The following THSD4 variants were observed in gnomAD, a reference collection of about 807,000 sequenced individuals.
THSD4 encodes thrombospondin type-1 domain-containing protein 4.
THSD4 carries 69 observed loss-of-function variants against 119.0 expected under a neutral mutation model. The observed-to-expected ratio is 0.58, with a 90% CI of 0.48 to 0.71. THSD4 has a LOEUF of 0.71. THSD4 is among the 30% of genes least tolerant of loss of function. The probability of loss-of-function intolerance (pLI) is 0.00; values close to 1 mark genes in which losing one functional copy is unlikely to be tolerated. For synonymous variants in THSD4, 524 were observed against 540.4 expected, an observed-to-expected ratio of 0.97 and a Z score of 0.42; for missense variants, 1,393 against 1,391.1, an observed-to-expected ratio of 1.00 and a Z score of -0.02.
intron 7 of THSD4, among the ~76,000 whole-genome samples, chr15:71,616,660 G>A (rs1168117354): frequency 2.6e-5 from 4 of 152,198 alleles, no homozygotes; most frequent in Non-Finnish European, 5.9e-5. Flanking sequence ...CCACTGTGAG[G>A]AAGCATTTCC....
At chr15:71,413,739 C>T (rs149828435) in intron 7 of THSD4, among the ~76,000 whole-genome samples, 4 of 152,288 alleles carry the variant, frequency 2.6e-5, no homozygotes, top group South Asian at 2.1e-4. Context: ...AATTAGGATG[C>T]GGTACAGAAG....
chr15:71,501,963 A>C (rs1412895604), intron 7 of THSD4, among the ~76,000 whole-genome samples: 1 of 152,212 alleles, frequency 6.6e-6, no homozygotes, highest in East Asian at 1.9e-4. Context: ...CTATTTAACT[A>C]TGTTTAAGAT....
At chr15:71,723,072 G>GCTT in intron 8 of THSD4, among the ~76,000 whole-genome samples, 1 of 148,688 alleles carries the variant, frequency 6.7e-6, no homozygotes, top group South Asian at 2.1e-4. Flanking sequence ...ATTTAGGCTA[G>GCTT]TTTTTTTTTT....
At position 71,751,461 on chromosome 15, in the gene THSD4, CT is replaced by C. The variant is rs547395570; in HGVS notation, c.2415+2874del. Among the ~76,000 whole-genome samples the C allele has an allele frequency of 1.1e-3, 166 of 152,092 alleles. 1 individual carries two copies. The Middle Eastern group carries it at 0.014, about 12-fold the overall frequency. The stretch of plus-strand genomic sequence containing the variant: ...TCTCATACATACTTTACCTACATAG[CT>C]TTTTTTCCTCATACGTATTTTAAAG... On this transcript the variant is annotated intron_variant, in intron 14 of 17. Transcript: ENST00000261862.
intron 1 of THSD4, among the ~76,000 whole-genome samples, chr15:71,106,419 G>C (rs985735752): frequency 6.6e-6 from 1 of 152,058 alleles, no homozygotes; most frequent in Non-Finnish European, 1.5e-5. Context: ...CTGGTATTTG[G>C]GTACCATGGC....
chr15:71,221,349 T>G (rs1218801362), intron 4 of THSD4, among the ~76,000 whole-genome samples: 1 of 152,234 alleles, frequency 6.6e-6, no homozygotes. Context: ...ATATTCATAC[T>G]GTTACGCTAC....
chr15:71,572,984 G>A (rs1234624178), intron 7 of THSD4, among the ~76,000 whole-genome samples: 1 of 152,166 alleles, frequency 6.6e-6, no homozygotes, highest in African/African-American at 2.4e-5. Flanking sequence ...GGCATACCCT[G>A]AGAGGCCTTT....
At chr15:71,772,748 T>C (rs1001727211) in intron 17 of THSD4, among the ~76,000 whole-genome samples, 3 of 152,168 alleles carry the variant, frequency 2.0e-5, no homozygotes, top group African/African-American at 7.2e-5. Flanking sequence ...GACTCCTTTA[T>C]AAAGGAAAGT....
At chr15:71,361,283 T>C (rs1258620979) in intron 6 of THSD4, among the ~76,000 whole-genome samples, 1 of 152,212 alleles carries the variant, frequency 6.6e-6, no homozygotes, top group African/African-American at 2.4e-5. Context: ...GATTCTGCTG[T>C]GATCATGTCA....
At chr15:71,688,012 T>C (rs2051954899) in intron 8 of THSD4, among the ~76,000 whole-genome samples, 1 of 152,350 alleles carries the variant, frequency 6.6e-6, no homozygotes, top group Admixed American at 6.5e-5. Context: ...CTGTAAATGT[T>C]TGTTTTGTTC....
intron 7 of THSD4, among the ~76,000 whole-genome samples, chr15:71,444,883 T>C (rs1428713656): frequency 6.6e-6 from 1 of 152,214 alleles, no homozygotes; most frequent in East Asian, 1.9e-4. Flanking sequence ...TTCTAAAATA[T>C]AAATTATTCC....
At chr15:71,128,292 C>T (rs1464293591) in intron 1 of THSD4, among the ~76,000 whole-genome samples, 3 of 151,788 alleles carry the variant, frequency 2.0e-5, no homozygotes, top group Non-Finnish European at 2.9e-5. Context: ...TTTGGGAGGC[C>T]GAGGTGGGTA....
At chr15:71,585,228 C>T (rs938339329) in intron 7 of THSD4, among the ~76,000 whole-genome samples, 1 of 152,068 alleles carries the variant, frequency 6.6e-6, no homozygotes, top group Non-Finnish European at 1.5e-5. Context: ...CTTTTTGTTT[C>T]AACTTGGAGA....
chr15:71,134,315 T>C lies in THSD4; in HGVS notation c.-79-7134T>C, dbSNP rs573922662. 1.1e-4 allele frequency among the ~76,000 whole-genome samples: 17 copies of C among 152,320 alleles called. No homozygotes were observed. The South Asian group carries it at 3.3e-3, about 30-fold the overall frequency. Reference sequence around the variant, plus strand: ...GAATACTTCTGGCCTGGGGCAGGATTTCCTGAAAGGGCTGTGACGATTGAT... The same window carrying C: ...GAATACTTCTGGCCTGGGGCAGGATCTCCTGAAAGGGCTGTGACGATTGAT... On this transcript the variant is annotated intron_variant, in intron 1 of 17. Transcript: ENST00000261862.
chr15:71,528,798 A>C (rs1049639019), intron 7 of THSD4, among the ~76,000 whole-genome samples: 5 of 152,206 alleles, frequency 3.3e-5, no homozygotes, highest in African/African-American at 1.2e-4. Context: ...AGAGGGGGAA[A>C]TCTTGATCTG....
At chr15:71,735,844 C>T (rs1395225442) in intron 10 of THSD4, among the ~76,000 whole-genome samples, 1 of 150,062 alleles carries the variant, frequency 6.7e-6, no homozygotes, top group South Asian at 2.1e-4. Flanking sequence ...CTGTCTCTTT[C>T]GCTCTCTGTC....
chr15:71,624,508 A>G (rs192049386), intron 7 of THSD4, among the ~76,000 whole-genome samples: 1 of 152,366 alleles, frequency 6.6e-6, no homozygotes, highest in East Asian at 1.9e-4. Flanking sequence ...CCATGGAGTG[A>G]CAGCCTTAGT....
intron 7 of THSD4, among the ~76,000 whole-genome samples, chr15:71,506,579 T>C (rs1259510822): frequency 1.3e-5 from 2 of 152,240 alleles, no homozygotes; most frequent in African/African-American, 2.4e-5. Flanking sequence ...TCCCATCAGA[T>C]ACAAGAATGT....
intron 6 of THSD4, among the ~76,000 whole-genome samples, chr15:71,264,184 T>C (rs1480704752): frequency 6.6e-6 from 1 of 152,224 alleles, no homozygotes; most frequent in Non-Finnish European, 1.5e-5. Flanking sequence ...TGTGACTAAG[T>C]GCTGGTGGAC....
Sources: gnomAD v4.1 joint callset for allele counts (sites outside exome capture counted in the v4.1 genomes callset) on GRCh38, gnomAD v4.1.1 for gene constraint, MANE v1.5 for transcripts, NCBI Gene and HGNC (gene_info 2026-07-23, HGNC 2026-07-21) for gene names.